Variants in DRC11 observed in about 807,000 individuals in gnomAD.
DRC11 encodes dynein regulatory complex subunit 11.
the DRC11 span, among the ~76,000 whole-genome samples, chr2:236,479,051 C>A: frequency 5.3e-5 from 8 of 152,170 alleles, no homozygotes; most frequent in Admixed American, 5.2e-4. This position sits in a 1 kb window ranked among gnomAD's most constrained non-coding sequence, Gnocchi z 4.1. Context: ...TCTTGAACTC[C>A]TGACCTCAAA....
chr2:236,480,174 G>T, the DRC11 span, among the ~76,000 whole-genome samples: 1 of 151,936 alleles, frequency 6.6e-6, no homozygotes, highest in African/African-American at 2.4e-5. Context: ...GAATCCCATT[G>T]CTGTCCTTGA....
chr2:236,468,770 T>C, the DRC11 span, among the ~76,000 whole-genome samples: 2 of 152,262 alleles, frequency 1.3e-5, no homozygotes, highest in African/African-American at 4.8e-5. Context: ...AATGGATATC[T>C]GCAATAAATG....
chr2:236,503,633 G>C, the DRC11 span: 1 of 1,550,632 alleles, frequency 6.4e-7, no homozygotes, highest in Non-Finnish European at 8.7e-7. The surrounding 1 kb of genome is among the most constrained non-coding windows in gnomAD (Gnocchi z 4.9). Context: ...ATCATTACCT[G>C]TTTTCCTCAG....
At chr2:236,359,323 ACT>A in the DRC11 span, among the ~76,000 whole-genome samples, 3 of 152,142 alleles carry the variant, frequency 2.0e-5, no homozygotes, top group Non-Finnish European at 4.4e-5. This position sits in a 1 kb window ranked among gnomAD's most constrained non-coding sequence, Gnocchi z 4.3. Flanking sequence ...TCTATTAGTT[ACT>A]GTTTGTAAAA....
the DRC11 span, among the ~76,000 whole-genome samples, chr2:236,389,605 G>A: frequency 2.0e-5 from 3 of 152,338 alleles, no homozygotes; most frequent in Middle Eastern, 3.4e-3. Context: ...AGATGGAAAT[G>A]CAGAAATCAC....
the DRC11 span, among the ~76,000 whole-genome samples, chr2:236,436,171 G>C: frequency 6.6e-6 from 1 of 152,042 alleles, no homozygotes; most frequent in African/African-American, 2.4e-5. Context: ...AATTTTTCTT[G>C]TGTTAAATTC....
At chr2:236,442,510 G>A in the DRC11 span, among the ~76,000 whole-genome samples, 6 of 152,176 alleles carry the variant, frequency 3.9e-5, no homozygotes, top group African/African-American at 1.4e-4. Flanking sequence ...GGCTAGCTGT[G>A]ATGTGGAATC....
chr2:236,352,468 G>A, the DRC11 span, among the ~76,000 whole-genome samples: 1 of 152,138 alleles, frequency 6.6e-6, no homozygotes, highest in Non-Finnish European at 1.5e-5. This position sits in a 1 kb window ranked among gnomAD's most constrained non-coding sequence, Gnocchi z 7.0. Flanking sequence ...GACACTGGGG[G>A]ATAGGGTGGC....
At chr2:236,483,131 T>C in the DRC11 span, among the ~76,000 whole-genome samples, 2 of 152,214 alleles carry the variant, frequency 1.3e-5, no homozygotes, top group African/African-American at 4.8e-5. This position sits in a 1 kb window ranked among gnomAD's most constrained non-coding sequence, Gnocchi z 4.8. Context: ...GGTGAAATCA[T>C]ACAGTATTTG....
the DRC11 span, among the ~76,000 whole-genome samples, chr2:236,379,281 G>C: frequency 1.5e-5 from 2 of 132,656 alleles, no homozygotes; most frequent in Admixed American, 7.2e-5. Flanking sequence ...AGAGTGACAG[G>C]ACCAAGGGGA....
the DRC11 span, chr2:236,390,966 G>A: frequency 6.6e-6 from 1 of 152,278 alleles, no homozygotes; most frequent in Non-Finnish European, 1.5e-5. The surrounding 1 kb of genome is among the most constrained non-coding windows in gnomAD (Gnocchi z 5.9). Context: ...TAGGCTGTGT[G>A]GGCTTTGGGG....
chr2:236,408,347 T>C, the DRC11 span: 1 of 766,622 alleles, frequency 1.3e-6, no homozygotes, highest in Non-Finnish European at 2.4e-6. This position sits in a 1 kb window ranked among gnomAD's most constrained non-coding sequence, Gnocchi z 5.5. Flanking sequence ...CAGTGGGTCT[T>C]GCAGGGTAGC....
At chr2:236,394,815 A>C in the DRC11 span, among the ~76,000 whole-genome samples, 871 of 152,210 alleles carry the variant, frequency 5.7e-3, 9 homozygotes, top group African/African-American at 0.02. This position sits in a 1 kb window ranked among gnomAD's most constrained non-coding sequence, Gnocchi z 7.0. Flanking sequence ...AGGACCCAGC[A>C]AGAGCTCTTG....
the DRC11 span, among the ~76,000 whole-genome samples, chr2:236,452,974 G>C: frequency 6.6e-6 from 1 of 152,150 alleles, no homozygotes; most frequent in African/African-American, 2.4e-5. The surrounding 1 kb of genome is among the most constrained non-coding windows in gnomAD (Gnocchi z 4.7). Flanking sequence ...ATATTTACTT[G>C]TGTAGAAAAA....
At chr2:236,459,624 C>CGTAT in the DRC11 span, among the ~76,000 whole-genome samples, 2,437 of 81,422 alleles carry the variant, frequency 0.03, 233 homozygotes, top group Non-Finnish European at 0.046. Context: ...TAAGTATATA[C>CGTAT]ATACGTATAT....
chr2:236,327,217 A>G, the DRC11 span, among the ~76,000 whole-genome samples: 1 of 152,196 alleles, frequency 6.6e-6, no homozygotes, highest in Non-Finnish European at 1.5e-5. Context: ...TCCAGTCATA[A>G]AAGAAGCAGG....
At chr2:236,331,389 TG>T in the DRC11 span, 1 of 1,613,826 alleles carries the variant, frequency 6.2e-7, no homozygotes. The surrounding 1 kb of genome is among the most constrained non-coding windows in gnomAD (Gnocchi z 4.8). Flanking sequence ...CTTTGTACAC[TG>T]GATTCATGCT....
chr2:236,355,038 C>T, the DRC11 span, among the ~76,000 whole-genome samples: 4 of 152,152 alleles, frequency 2.6e-5, no homozygotes, highest in East Asian at 1.9e-4. Context: ...GTCTGAATTC[C>T]GAGAAGTTTC....
At chr2:236,501,584 C>T in the DRC11 span, among the ~76,000 whole-genome samples, 1 of 152,070 alleles carries the variant, frequency 6.6e-6, no homozygotes, top group African/African-American at 2.4e-5. Context: ...CTGTGGACAA[C>T]GATCAAGAAC....
Sources: allele counts gnomAD v4.1 joint callset (sites outside exome capture counted in the v4.1 genomes callset), GRCh38; gene constraint gnomAD v4.1.1; non-coding constraint Gnocchi (gnomAD v3.1); transcripts MANE v1.5; gene names NCBI Gene and HGNC (gene_info 2026-07-23, HGNC 2026-07-21).